STXBP5L: variants seen among roughly 807,000 people sequenced by gnomAD.
STXBP5L encodes syntaxin binding protein 5L.
In STXBP5L, 65 loss-of-function variants were observed where a neutral mutation model predicts 144.5. The ratio of observed to expected loss-of-function variants is 0.45; its 90% CI spans 0.37 to 0.55. The LOEUF (loss-of-function observed/expected upper bound fraction) is 0.55. Among genes scored for constraint, STXBP5L ranks in the 20% least tolerant of loss-of-function variants. STXBP5L has a pLI of 0.00. For missense variants in STXBP5L, 1,298 were observed against 1,405.5 expected, an observed-to-expected ratio of 0.92 and a Z score of 1.22; for synonymous variants, 505 against 469.6, an observed-to-expected ratio of 1.08 and a Z score of -0.97.
chr3:121,307,847 A>G (rs1467879254), intron 19 of STXBP5L, among the ~76,000 whole-genome samples: 3 of 152,170 alleles, frequency 2.0e-5, no homozygotes, highest in Non-Finnish European at 2.9e-5. Flanking sequence ...GAGAAGATAA[A>G]TGGAAAAATA....
chr3:121,022,449 C>T (rs1945627062), intron 3 of STXBP5L, among the ~76,000 whole-genome samples: 1 of 151,770 alleles, frequency 6.6e-6, no homozygotes, highest in African/African-American at 2.4e-5. Context: ...AAGAAAGGAC[C>T]TTAAATAAAA....
intron 3 of STXBP5L, among the ~76,000 whole-genome samples, chr3:121,004,500 G>C (rs1473533819): frequency 6.6e-6 from 1 of 151,504 alleles, no homozygotes; most frequent in Non-Finnish European, 1.5e-5. Flanking sequence ...CTGCAAACAG[G>C]GACAATTTGA....
intron 4 of STXBP5L, among the ~76,000 whole-genome samples, 195 bp downstream of exon 4, chr3:121,041,976 T>C (rs1200618333): frequency 6.6e-6 from 1 of 152,158 alleles, no homozygotes; most frequent in Non-Finnish European, 1.5e-5. Context: ...AAAAAGATTG[T>C]ATATGCCATA....
chr3:121,185,221 C>A (rs533358642), intron 9 of STXBP5L, among the ~76,000 whole-genome samples: 1 of 152,288 alleles, frequency 6.6e-6, no homozygotes, highest in African/African-American at 2.4e-5. Context: ...GAGTAGATTG[C>A]AAAAATTGTC....
At position 121,407,435 on chromosome 3, in the gene STXBP5L, T is replaced by C. The variant is rs1473320275; in HGVS notation, c.2780T>C (p.Ile927Thr). ...GAAATAGGAGATCATCAGTATACAA[T>C]AATCTGCTCAGAAAAACAAGCCAAA... is the stretch of plus-strand genomic sequence containing the variant. ...SQEIGDHQYT[I>T]ICSEKQAKVF... Residue 927 changes from isoleucine to threonine, a missense_variant, in exon 23 of 27, where the codon ATA becomes ACA. By Grantham distance (89) the Ile-to-Thr change is moderately conservative. Coordinates refer to ENST00000471454, the MANE Select transcript of STXBP5L (RefSeq NM_001308330.2). 1.9e-6 allele frequency: 3 copies of C among 1,613,310 alleles called. No homozygotes were observed. Among genetic ancestry groups the C allele is most frequent in the African/African-American group, 2.7e-5 (2 of 75,008 alleles).
At chr3:121,177,311 T>C (rs1577123766) in intron 9 of STXBP5L, among the ~76,000 whole-genome samples, 2 of 152,222 alleles carry the variant, frequency 1.3e-5, no homozygotes, top group Non-Finnish European at 1.5e-5. Context: ...ATCAACAATA[T>C]GAAAAGACAA....
chr3:121,150,042 G>C (rs1377723098), intron 7 of STXBP5L, among the ~76,000 whole-genome samples: 3 of 151,610 alleles, frequency 2.0e-5, no homozygotes, highest in Non-Finnish European at 2.9e-5. Context: ...TTTCTTCTTT[G>C]CTTATTAATT....
intron 5 of STXBP5L, among the ~76,000 whole-genome samples, chr3:121,105,990 C>T (rs965695359): frequency 2.0e-5 from 3 of 152,052 alleles, no homozygotes; most frequent in African/African-American, 7.2e-5. Flanking sequence ...ATTCAAAGGT[C>T]TGCCCATTTT....
intron 19 of STXBP5L, among the ~76,000 whole-genome samples, chr3:121,311,794 TC>T (rs1028060698): frequency 1.3e-5 from 2 of 152,112 alleles, no homozygotes; most frequent in African/African-American, 4.8e-5. Context: ...TTCAATGCCA[TC>T]CCCATCAAGC....
intron 20 of STXBP5L, among the ~76,000 whole-genome samples, chr3:121,341,775 A>G (rs890451366): frequency 6.6e-6 from 1 of 152,174 alleles, no homozygotes; most frequent in Non-Finnish European, 1.5e-5. Context: ...AAAGACAAAC[A>G]ACATGTTCTC....
chr3:121,232,412 G>GA (rs970685221), intron 11 of STXBP5L, among the ~76,000 whole-genome samples: 2 of 151,650 alleles, frequency 1.3e-5, no homozygotes, highest in African/African-American at 2.4e-5. Flanking sequence ...TAAAAAAGAG[G>GA]AAAAAAAATG....
chr3:120,991,685 C>T (rs1470560941), intron 3 of STXBP5L, among the ~76,000 whole-genome samples: 2 of 151,420 alleles, frequency 1.3e-5, no homozygotes, highest in African/African-American at 2.4e-5. Flanking sequence ...TTTGTAGGGA[C>T]GTGGTTGAAG....
intron 19 of STXBP5L, among the ~76,000 whole-genome samples, chr3:121,315,558 T>C (rs1249591598): frequency 2.0e-5 from 3 of 151,652 alleles, no homozygotes; most frequent in South Asian, 2.1e-4. Context: ...GGGTGCAGCA[T>C]ACCAGCATGG....
chr3:121,109,078 G>T (rs980155352), intron 5 of STXBP5L, among the ~76,000 whole-genome samples: 9 of 152,058 alleles, frequency 5.9e-5, no homozygotes, highest in African/African-American at 1.9e-4. Context: ...CATTTCTGTG[G>T]GGTCAGTGGT....
intron 11 of STXBP5L, among the ~76,000 whole-genome samples, chr3:121,232,530 A>G (rs1482176115): frequency 6.6e-6 from 1 of 152,180 alleles, no homozygotes; most frequent in Non-Finnish European, 1.5e-5. Flanking sequence ...TCACTGAGTA[A>G]AACACCTGGA....
rs2045086289 is a variant in STXBP5L, at chr3:121,348,115, AT to A, written c.2176+29579del. Among the ~76,000 whole-genome samples, 6 of 152,182 alleles carry A rather than the reference AT, an allele frequency of 3.9e-5. No homozygotes were observed. The South Asian group carries it at 1.2e-3, about 32-fold the overall frequency. On this transcript the variant is annotated intron_variant, in intron 20 of 26. Transcript: ENST00000471454. ...GGGTTTGTCATAGATAGCTCTTATT[AT>A]TTTGAGATATGTCCCATCAGTACCT...
chr3:121,072,996 G>T (rs1470053759), intron 5 of STXBP5L, among the ~76,000 whole-genome samples: 3 of 152,164 alleles, frequency 2.0e-5, no homozygotes, highest in African/African-American at 7.2e-5. Context: ...CAGCTCTTTG[G>T]GCCAAAGTTC....
intron 12 of STXBP5L, among the ~76,000 whole-genome samples, chr3:121,236,815 T>C (rs556654392): frequency 6.6e-6 from 1 of 152,358 alleles, no homozygotes; most frequent in Non-Finnish European, 1.5e-5. Flanking sequence ...CTTTCAGCTG[T>C]AAGCTTATAA....
At chr3:120,952,818 A>T (rs1403993885) in intron 2 of STXBP5L, among the ~76,000 whole-genome samples, 1 of 151,926 alleles carries the variant, frequency 6.6e-6, no homozygotes, top group African/African-American at 2.4e-5. Flanking sequence ...TTTTCCGTAT[A>T]GTTTCTTTTG....
Sources: allele counts gnomAD v4.1 joint callset (sites outside exome capture counted in the v4.1 genomes callset), GRCh38; gene constraint gnomAD v4.1.1; transcripts MANE v1.5; gene names NCBI Gene and HGNC (gene_info 2026-07-23, HGNC 2026-07-21).